RIT2: variants seen among roughly 807,000 people sequenced by gnomAD.
RIT2 encodes GTP-binding protein Rit2.
RIT2 carries 24 observed loss-of-function variants against 23.7 expected under a neutral mutation model. The observed-to-expected ratio is 1.01, with a 90% CI of 0.73 to 1.43. RIT2 has a LOEUF of 1.43. Among genes scored for constraint, RIT2 ranks in the 40% most tolerant of loss-of-function variants. RIT2 has a pLI of 0.00. For missense variants in RIT2, 236 were observed against 266.9 expected (o/e 0.88, Z 0.81); for synonymous variants, 107 against 91.1 (o/e 1.17, Z -0.99).
At chr18:42,787,867 T>C (rs886117832) in intron 4 of RIT2, among the ~76,000 whole-genome samples, 16 of 152,002 alleles carry the variant, frequency 1.1e-4, no homozygotes, top group Non-Finnish European at 1.8e-4. Context: ...ATCTTGGTTA[T>C]ATGTTAATAT....
intron 2 of RIT2, 98 bp downstream of exon 2, chr18:43,033,713 A>G: frequency 1.2e-6 from 1 of 837,274 alleles, no homozygotes; most frequent in Admixed American, 2.1e-5. Flanking sequence ...GTCATAGAGT[A>G]AATTATATTT....
Position 42,775,136 on chromosome 18 carries a change from A to T in RIT2, c.427-31416T>A, listed in dbSNP as rs368153426. On this transcript the variant is annotated intron_variant, in intron 4 of 4. Transcript: ENST00000326695. The stretch of plus-strand genomic sequence containing the variant: ...TACATACATTAAATTTATTTCTGAC[A>T]TATGCAACCTTCACCACAGTTTGGC... Among the ~76,000 whole-genome samples the T allele has an allele frequency of 1.0e-3, 158 of 152,298 alleles. 3 individuals are homozygous for T. In the South Asian group the frequency reaches 0.031, roughly 30 times the overall value.
chr18:42,891,729 A>AG (rs1441897405), intron 4 of RIT2, among the ~76,000 whole-genome samples: 2 of 152,128 alleles, frequency 1.3e-5, no homozygotes, highest in Non-Finnish European at 2.9e-5. Context: ...CGTGGTTGCT[A>AG]GGGGTAAAGG....
intron 4 of RIT2, among the ~76,000 whole-genome samples, chr18:42,865,740 T>C (rs1907452715): frequency 6.6e-6 from 1 of 152,204 alleles, no homozygotes; most frequent in Non-Finnish European, 1.5e-5. Flanking sequence ...AATATGTTGA[T>C]GCTAGAATTT....
At chr18:42,829,091 C>T in intron 4 of RIT2, among the ~76,000 whole-genome samples, 1 of 152,030 alleles carries the variant, frequency 6.6e-6, no homozygotes. Context: ...ATTGGAAGAA[C>T]CATCTGGACA....
chr18:42,941,309 A>G (rs1446906319), intron 3 of RIT2, among the ~76,000 whole-genome samples: 1 of 152,096 alleles, frequency 6.6e-6, no homozygotes, highest in African/African-American at 2.4e-5. Context: ...AGGAACACTA[A>G]AAGCTATTCC....
chr18:42,769,585 A>G (rs1384798034), intron 4 of RIT2, among the ~76,000 whole-genome samples: 1 of 152,128 alleles, frequency 6.6e-6, no homozygotes, highest in African/African-American at 2.4e-5. Context: ...GTTTTAAAAT[A>G]GACTGAAAGC....
intron 2 of RIT2, among the ~76,000 whole-genome samples, chr18:42,991,163 C>A (rs1260532262): frequency 6.6e-6 from 1 of 152,146 alleles, no homozygotes; most frequent in Non-Finnish European, 1.5e-5. Flanking sequence ...GTCCTACCTT[C>A]CATGATTGAG....
At chr18:42,805,889 C>T (rs2143968274) in intron 4 of RIT2, among the ~76,000 whole-genome samples, 1 of 152,032 alleles carries the variant, frequency 6.6e-6, no homozygotes, top group East Asian at 1.9e-4. Context: ...AATTGTCTAC[C>T]AGCCTTTCAC....
intron 1 of RIT2, among the ~76,000 whole-genome samples, chr18:43,094,130 T>TG (rs1317677175): frequency 6.8e-5 from 9 of 132,072 alleles, no homozygotes; most frequent in Non-Finnish European, 1.2e-4. Flanking sequence ...TTTGTTTTTT[T>TG]TTTTTTTTTT....
intron 4 of RIT2, among the ~76,000 whole-genome samples, chr18:42,808,148 C>T (rs1905737101): frequency 6.6e-6 from 1 of 152,128 alleles, no homozygotes. Context: ...GGAGCAAAAG[C>T]AAAATCATTT....
chr18:42,962,075 G>C (rs1383481093), intron 3 of RIT2, among the ~76,000 whole-genome samples: 1 of 152,084 alleles, frequency 6.6e-6, no homozygotes, highest in Admixed American at 6.5e-5. Flanking sequence ...AAATGTTTAG[G>C]GGTGAAAGCA....
chr18:43,059,582 T>C (rs1912594487), intron 1 of RIT2, among the ~76,000 whole-genome samples: 1 of 152,124 alleles, frequency 6.6e-6, no homozygotes, highest in Non-Finnish European at 1.5e-5. Context: ...CAATTTTTCA[T>C]CTTGCATACC....
At chr18:43,091,265 A>T (rs1249119159) in intron 1 of RIT2, among the ~76,000 whole-genome samples, 1 of 152,030 alleles carries the variant, frequency 6.6e-6, no homozygotes, top group Non-Finnish European at 1.5e-5. Flanking sequence ...AGAAAATAAA[A>T]TTGTTGTCCC....
At chr18:43,005,763 C>G (rs74619324) in intron 2 of RIT2, among the ~76,000 whole-genome samples, 1 of 151,764 alleles carries the variant, frequency 6.6e-6, no homozygotes, top group South Asian at 2.1e-4. Flanking sequence ...ACTGAATGCT[C>G]CACATTGCAT....
At chr18:43,030,214 C>T (rs4361015) in intron 2 of RIT2, among the ~76,000 whole-genome samples, 1 of 151,894 alleles carries the variant, frequency 6.6e-6, no homozygotes, top group Non-Finnish European at 1.5e-5. Context: ...TAAAAGAATG[C>T]ATAAAAGAAA....
At chr18:42,929,034 G>GATATATATATAGATATATATATATATAT (rs1909256514) in intron 3 of RIT2, among the ~76,000 whole-genome samples, 1 of 96,956 alleles carries the variant, frequency 1.0e-5, no homozygotes, top group African/African-American at 4.0e-5. Flanking sequence ...AAAATATGGA[G>GATATATATATAGATATATATATATATAT]ATATATATAT....
chr18:43,097,586 G>A (rs1253708390), intron 1 of RIT2, among the ~76,000 whole-genome samples: 1 of 151,826 alleles, frequency 6.6e-6, no homozygotes, highest in Non-Finnish European at 1.5e-5. Flanking sequence ...GGTATACTTG[G>A]GAGACAATGA....
chr18:43,003,798 ACACACAC>A (rs1911164536), intron 2 of RIT2, among the ~76,000 whole-genome samples: 1 of 144,614 alleles, frequency 6.9e-6, no homozygotes. Flanking sequence ...ACACACACAC[ACACACAC>A]ACACATTAAT....
Sources: gnomAD v4.1 joint callset for allele counts (sites outside exome capture counted in the v4.1 genomes callset) on GRCh38, gnomAD v4.1.1 for gene constraint, MANE v1.5 for transcripts, NCBI Gene and HGNC (gene_info 2026-07-23, HGNC 2026-07-21) for gene names.